Variants in LITAF observed in about 807,000 individuals in gnomAD.
The protein encoded by LITAF is lipopolysaccharide induced TNF factor.
In LITAF, 9 loss-of-function variants were observed where a neutral mutation model predicts 14.5. That is an observed-to-expected ratio of 0.62 (90% CI 0.37 to 1.08). LITAF has a LOEUF of 1.08. Ranked by LOEUF, LITAF falls within the 50% of genes least tolerant of loss-of-function variation. LITAF has a pLI of 0.01. For synonymous variants in LITAF, 98 were observed against 88.2 expected (o/e 1.11, Z -0.62); for missense variants, 206 against 213.4 (o/e 0.97, Z 0.22).
At chr16:11,554,565 C>T (rs992485597) in intron 2 of LITAF, among the ~76,000 whole-genome samples, 12 of 151,934 alleles carry the variant, frequency 7.9e-5, no homozygotes, top group Admixed American at 1.3e-4. Flanking sequence ...GGCCGAGGTG[C>T]GTGGATCACC....
At chr16:11,612,518 C>T (rs1214286660) in intron 3 of LITAF, among the ~76,000 whole-genome samples, 1 of 152,226 alleles carries the variant, frequency 6.6e-6, no homozygotes, top group Non-Finnish European at 1.5e-5. Flanking sequence ...GGGTCACCTG[C>T]GGTTAGAGCA....
At chr16:11,622,824 C>T (rs543160674) in intron 3 of LITAF, among the ~76,000 whole-genome samples, 1 of 152,150 alleles carries the variant, frequency 6.6e-6, no homozygotes, top group East Asian at 1.9e-4. Flanking sequence ...GCTACATTCA[C>T]TGAAGGGAAA....
intron 3 of LITAF, among the ~76,000 whole-genome samples, chr16:11,612,797 T>C (rs1190031096): frequency 6.6e-6 from 1 of 152,158 alleles, no homozygotes; most frequent in Non-Finnish European, 1.5e-5. Flanking sequence ...GTCCGCCCTC[T>C]TGGGGAATGA....
At chr16:11,590,300 G>T (rs559896682), upstream of LITAF, among the ~76,000 whole-genome samples, 1 of 117,746 alleles carries the variant, frequency 8.5e-6, no homozygotes, top group Admixed American at 8.3e-5. Flanking sequence ...AGTTAAAGTG[G>T]TATATCAGTC....
chr16:11,622,677 C>A lies in LITAF; in HGVS notation c.85+10856G>T, dbSNP rs116645796. ...CTTTTCAGAATGTAAATTAAGAATA[C>A]AAGGTGTCGTGAAGGATACTGGAGG... On this transcript the variant is annotated intron_variant, in intron 3 of 3. Coordinates refer to the LITAF transcript ENST00000574848. 5.8e-3 allele frequency among the ~76,000 whole-genome samples: 889 copies of A among 152,240 alleles called. 11 individuals are homozygous for A. Among genetic ancestry groups the A allele is most frequent in the African/African-American group, 0.021 (852 of 41,552 alleles).
rs1452903943 is a variant in LITAF, at chr16:11,549,085, T to C, written c.*552A>G. 4.4e-6 allele frequency: 2 copies of C among 453,790 alleles called. No individual in the cohort carries two copies. Among genetic ancestry groups the C allele is most frequent in the African/African-American group, 4.0e-5 (2 of 49,948 alleles). 28.1% of individuals were successfully genotyped at this position (453,790 alleles called of 1,614,324 possible). ...AAAAATTAAGAAATTAAAGTGAATC[T>C]GTGTGCTAATGAAGTCTGCAGTTAC... On this transcript the variant is annotated 3_prime_UTR_variant, in exon 4 of 4. Transcript: ENST00000622633. This position sits in a 1 kb window ranked among gnomAD's most constrained non-coding sequence, Gnocchi z 4.6.
chr16:11,618,370 G>C (rs1436509544), intron 3 of LITAF, among the ~76,000 whole-genome samples: 1 of 152,202 alleles, frequency 6.6e-6, no homozygotes, highest in African/African-American at 2.4e-5. Flanking sequence ...CCAGGCAGAA[G>C]TAGGGGTAGC....
At chr16:11,583,870 CA>C (rs2064773075) in intron 1 of LITAF, among the ~76,000 whole-genome samples, 1 of 152,194 alleles carries the variant, frequency 6.6e-6, no homozygotes, top group Non-Finnish European at 1.5e-5. Flanking sequence ...AGACACCCTC[CA>C]GAATGGTTCC....
chr16:11,580,738 T>C (rs1379468237), intron 1 of LITAF, among the ~76,000 whole-genome samples: 1 of 152,170 alleles, frequency 6.6e-6, no homozygotes, highest in Non-Finnish European at 1.5e-5. Flanking sequence ...TATCACCACC[T>C]GCCTCCAGGA....
At position 11,549,040 on chromosome 16, in the gene LITAF, C is replaced by T. The variant is rs748386654; in HGVS notation, c.*597G>A. On this transcript the variant is annotated 3_prime_UTR_variant, in exon 4 of 4. Transcript: ENST00000622633. This position sits in a 1 kb window ranked among gnomAD's most constrained non-coding sequence, Gnocchi z 4.6. ...TATGTCTGTACTGGGTGTTAATAGC[C>T]CCCTCCTTGTATTTAAAAAAAAAAT... 7 of 446,118 alleles carry T rather than the reference C, an allele frequency of 1.6e-5. No individual in the cohort carries two copies. Among genetic ancestry groups the T allele is most frequent in the South Asian group, 9.4e-5 (6 of 63,980 alleles). The allele number at this position is 446,118 out of a possible 1,614,324, so 27.6% of individuals were successfully genotyped here. A position where few individuals can be genotyped will look rare whatever the true frequency, so the allele number is the denominator to read the frequency against.
intron 3 of LITAF, among the ~76,000 whole-genome samples, chr16:11,623,105 A>G (rs1403931272): frequency 1.3e-5 from 2 of 151,164 alleles, no homozygotes; most frequent in African/African-American, 4.9e-5. Context: ...CTGGGACTAC[A>G]GGCGCCCACC....
intron 1 of LITAF, among the ~76,000 whole-genome samples, chr16:11,557,124 A>G (rs2064286438): frequency 6.6e-6 from 1 of 150,496 alleles, no homozygotes; most frequent in African/African-American, 2.5e-5. Flanking sequence ...GGTTTTCACT[A>G]ACTGTTTCAG....
chr16:11,601,419 TTC>T (rs1248616897), upstream of LITAF, among the ~76,000 whole-genome samples: 2 of 152,180 alleles, frequency 1.3e-5, no homozygotes, highest in East Asian at 1.9e-4. Context: ...TCCAATTTTC[TTC>T]TCTCTCTTGG....
upstream of LITAF, among the ~76,000 whole-genome samples, chr16:11,602,329 C>G (rs535273038): frequency 1.3e-5 from 2 of 152,238 alleles, no homozygotes; most frequent in African/African-American, 4.8e-5. Flanking sequence ...GCACTCCAGC[C>G]TGGGTGATAG....
At chr16:11,554,023 G>A (rs1406658244) in intron 2 of LITAF, among the ~76,000 whole-genome samples, 2 of 152,056 alleles carry the variant, frequency 1.3e-5, no homozygotes, top group Non-Finnish European at 2.9e-5. Context: ...TTGAGCCTAG[G>A]AGTTTGAGAT....
chr16:11,551,912 G>T, intron 3 of LITAF: 1 of 421,696 alleles, frequency 2.4e-6, no homozygotes. Flanking sequence ...ATATCCAGAG[G>T]CAATGGACTT....
At chr16:11,637,876 T>C (rs1597379644), upstream of LITAF, among the ~76,000 whole-genome samples, 4 of 107,356 alleles carry the variant, frequency 3.7e-5, no homozygotes, top group South Asian at 5.3e-4. Flanking sequence ...GTGAGAACCT[T>C]CCTCAAAAAA....
intron 3 of LITAF, among the ~76,000 whole-genome samples, chr16:11,608,883 A>C (rs1259638358): frequency 2.6e-5 from 4 of 152,128 alleles, no homozygotes. Flanking sequence ...GAATCTCTTG[A>C]ACTCAGGAGG....
rs2064211884 is a variant in LITAF, at chr16:11,553,376, A to G, written c.377+157T>C. Reference sequence around the variant, plus strand: ...CAGTGAGCCGAGATCGCCCCACTGTACTCCAGCCTGGGCGACAGAACCAGA... The same window carrying G: ...CAGTGAGCCGAGATCGCCCCACTGTGCTCCAGCCTGGGCGACAGAACCAGA... On this transcript the variant is annotated intron_variant, in intron 3 of 3. Transcript: ENST00000622633. This position sits in a 1 kb window ranked among gnomAD's most constrained non-coding sequence, Gnocchi z 7.7. 6.4e-6 allele frequency: 5 copies of G among 777,992 alleles called. No homozygotes were observed. In the East Asian group the frequency reaches 1.4e-4, roughly 21 times the overall value. The allele number at this position is 777,992 out of a possible 1,614,324, so 48.2% of individuals were successfully genotyped here.
Sources: gnomAD v4.1 joint callset for allele counts (sites outside exome capture counted in the v4.1 genomes callset) on GRCh38, gnomAD v4.1.1 for gene constraint, Gnocchi (gnomAD v3.1) non-coding constraint, MANE v1.5 for transcripts, NCBI Gene and HGNC (gene_info 2026-07-23, HGNC 2026-07-21) for gene names.